MYDGF: variants seen among roughly 807,000 people sequenced by gnomAD.
The protein encoded by MYDGF is myeloid-derived growth factor.
MYDGF carries 29 observed loss-of-function variants against 24.2 expected under a neutral mutation model. That is an observed-to-expected ratio of 1.20 (90% CI 0.89 to 1.63). The LOEUF is 1.63. MYDGF is among the 40% of genes most tolerant of loss of function. The probability of loss-of-function intolerance (pLI) is 0.00; values close to 1 mark genes in which losing one functional copy is unlikely to be tolerated. For missense variants in MYDGF, 245 were observed against 234.8 expected (o/e 1.04, Z -0.29); for synonymous variants, 105 against 102.5 (o/e 1.02, Z -0.15).
intron 3 of MYDGF, among the ~76,000 whole-genome samples, chr19:4,664,363 G>A (rs527871633): frequency 1.3e-5 from 2 of 152,050 alleles, no homozygotes; most frequent in East Asian, 1.9e-4. Context: ...GGTGGCACAC[G>A]CCTGTAATCC....
intron 3 of MYDGF, among the ~76,000 whole-genome samples, chr19:4,664,044 G>A (rs890198903): frequency 3.3e-5 from 5 of 151,896 alleles, no homozygotes; most frequent in South Asian, 2.1e-4. Context: ...CCTTGAGGAC[G>A]TCACGTTCAG....
intron 3 of MYDGF, among the ~76,000 whole-genome samples, chr19:4,662,423 C>T (rs1406889121): frequency 6.6e-6 from 1 of 152,222 alleles, no homozygotes; most frequent in Non-Finnish European, 1.5e-5. Context: ...CGACCCCCTC[C>T]CCACCGGGGG....
intron 3 of MYDGF, among the ~76,000 whole-genome samples, chr19:4,664,156 G>A (rs991328109): frequency 3.9e-5 from 6 of 152,002 alleles, no homozygotes; most frequent in African/African-American, 4.8e-5. Flanking sequence ...GGGGATGCGT[G>A]GCTGCCATGT....
intron 3 of MYDGF, 96 bp downstream of exon 3, chr19:4,664,780 G>T: frequency 7.3e-7 from 1 of 1,370,166 alleles, no homozygotes; most frequent in South Asian, 1.3e-5. Context: ...TCCCCTCCAG[G>T]GGTGCAGCCC....
intron 2 of MYDGF, among the ~76,000 whole-genome samples, chr19:4,665,886 A>G (rs66598259): frequency 0.24 from 35,819 of 149,910 alleles, 7,610 homozygotes; most frequent in African/African-American, 0.57. Flanking sequence ...ATAAATAAAC[A>G]CAAGCTGAAC....
At chr19:4,662,964 A>G (rs551985226) in intron 3 of MYDGF, among the ~76,000 whole-genome samples, 102 of 151,462 alleles carry the variant, frequency 6.7e-4, no homozygotes, top group African/African-American at 2.4e-3. Context: ...ACAGCCTCCA[A>G]TCTGTGCCCT....
At chr19:4,667,477 G>A (rs2088530763) in intron 2 of MYDGF, among the ~76,000 whole-genome samples, 1 of 151,856 alleles carries the variant, frequency 6.6e-6, no homozygotes, top group Non-Finnish European at 1.5e-5. Context: ...TCACCATGTT[G>A]GCCAGGCTGG....
intron 2 of MYDGF, among the ~76,000 whole-genome samples, chr19:4,665,535 G>T (rs1299224967): frequency 1.3e-5 from 2 of 151,940 alleles, no homozygotes; most frequent in Non-Finnish European, 2.9e-5. Flanking sequence ...ATAAATAGAT[G>T]TCCAGGCCGG....
In MYDGF at chr19:4,670,307, C is replaced by CGTTCCACCCTCCGCT; in HGVS notation, c.13_27dup (p.Ser5_Asn9dup). 1 of 1,490,326 alleles carries CGTTCCACCCTCCGCT rather than the reference C, an allele frequency of 6.7e-7. No homozygotes were observed. Among genetic ancestry groups the CGTTCCACCCTCCGCT allele is most frequent in the East Asian group, 2.9e-5 (1 of 35,038 alleles). The allele number at this position is 1,490,326 out of a possible 1,614,324, so 92.3% of individuals were successfully genotyped here. A position where few individuals can be genotyped will look rare whatever the true frequency, so the allele number is the denominator to read the frequency against. On this transcript the variant is annotated inframe_insertion, in exon 1 of 6. Coordinates refer to ENST00000262947, the MANE Select transcript of MYDGF (RefSeq NM_019107.4). ...GCGGCCCACAAGCTCGCGCCGACGC[C>CGTTCCACCCTCCGCT]GTTCCACCCTCCGCTGGGCGCCGCC... is the stretch of plus-strand genomic sequence containing the variant.
chr19:4,670,075 C>T (rs1008498197), intron 1 of MYDGF, 86 bp downstream of exon 1: 1 of 1,343,094 alleles, frequency 7.4e-7, no homozygotes, highest in African/African-American at 1.5e-5. Flanking sequence ...GGTCCGCGCC[C>T]CCTCCTCGGG....
chr19:4,660,073 T>G, intron 4 of MYDGF, 70 bp from the exon 5 acceptor site: 1 of 1,438,160 alleles, frequency 7.0e-7, no homozygotes. Context: ...CGATTGAGTT[T>G]GCTTTCCAGA....
In MYDGF at chr19:4,657,680, G is replaced by A. The variant is rs531857889; in HGVS notation, c.*325C>T. 1.8e-5 allele frequency: 4 copies of A among 225,260 alleles called. No individual in the cohort carries two copies. In the South Asian group the frequency reaches 4.6e-4, roughly 26 times the overall value. 14.0% of individuals were successfully genotyped at this position (225,260 alleles called of 1,614,324 possible). ...CATGAAGGATGCTCGGCTGGAGGTC[G>A]GGGGGAGCATGGCTGCTTTCCCCAG... On this transcript the variant is annotated 3_prime_UTR_variant, in exon 6 of 6. Coordinates refer to ENST00000262947, the MANE Select transcript of MYDGF (RefSeq NM_019107.4).
At chr19:4,668,462 T>C (rs1222564003) in intron 2 of MYDGF, 133 bp downstream of exon 2, 2 of 677,460 alleles carry the variant, frequency 3.0e-6, no homozygotes, top group Non-Finnish European at 5.2e-6. Context: ...TCCCTTTTTA[T>C]TGGTTTAGGA....
At chr19:4,664,489 CAAA>C (rs397958176) in intron 3 of MYDGF, among the ~76,000 whole-genome samples, 4 of 87,896 alleles carry the variant, frequency 4.6e-5, no homozygotes, top group Admixed American at 1.2e-4. Flanking sequence ...GACTCCATCT[CAAA>C]AAAAAAAAAA....
intron 1 of MYDGF, among the ~76,000 whole-genome samples, chr19:4,669,405 C>G (rs1268625149): frequency 6.6e-6 from 1 of 152,110 alleles, no homozygotes; most frequent in Non-Finnish European, 1.5e-5. Context: ...GAGCCAAGAT[C>G]GCGCCACTGC....
At chr19:4,666,929 T>C (rs1669458361) in intron 2 of MYDGF, among the ~76,000 whole-genome samples, 1 of 152,056 alleles carries the variant, frequency 6.6e-6, no homozygotes, top group African/African-American at 2.4e-5. Context: ...CTCTTACTGG[T>C]AGCTCAAGGT....
At chr19:4,660,992 G>C (rs936545113) in intron 3 of MYDGF, among the ~76,000 whole-genome samples, 2 of 134,448 alleles carry the variant, frequency 1.5e-5, no homozygotes, top group South Asian at 4.6e-4. Flanking sequence ...TTTTGGAGAC[G>C]AGTCTCACTC....
chr19:4,659,974 A>G lies in MYDGF; in HGVS notation c.399T>C (p.Asp133=), dbSNP rs908360084. 1 of 1,614,102 alleles carries G rather than the reference A, an allele frequency of 6.2e-7. No individual in the cohort carries two copies. Among genetic ancestry groups the G allele is most frequent in the Non-Finnish European group, 8.5e-7 (1 of 1,180,014 alleles). Reference sequence around the variant, plus strand: ...CAAATTCCTCAGTTTTCAGAGGGACATCACTTTCCCTTTCAAATGCGGCTT... The same window carrying G: ...CAAATTCCTCAGTTTTCAGAGGGACGTCACTTTCCCTTTCAAATGCGGCTT... ...YSKAAFERES[D]VPLKTEEFEV... is the part of the protein sequence containing the mutation. Residue 133 remains aspartate (D), a synonymous_variant, in exon 5 of 6, where the codon GAT becomes GAC. Transcript: ENST00000262947.
chr19:4,667,801 G>A (rs1207041546), intron 2 of MYDGF, among the ~76,000 whole-genome samples: 2 of 151,682 alleles, frequency 1.3e-5, no homozygotes, highest in Admixed American at 1.3e-4. Context: ...GGGCTCAAGC[G>A]ATCCTCCCAC....
Sources: gnomAD v4.1 joint callset for allele counts (sites outside exome capture counted in the v4.1 genomes callset) on GRCh38, gnomAD v4.1.1 for gene constraint, MANE v1.5 for transcripts, NCBI Gene and HGNC (gene_info 2026-07-23, HGNC 2026-07-21) for gene names.